ABCA13: variants seen among roughly 807,000 people sequenced by gnomAD.
ABCA13 encodes ATP-binding cassette sub-family A member 13.
Under a neutral mutation model 478.7 loss-of-function variants are expected in ABCA13, and 476 were observed. That is an observed-to-expected ratio of 0.99 (90% CI 0.92 to 1.07). The LOEUF (loss-of-function observed/expected upper bound fraction) is 1.07, where lower values mean the gene tolerates loss of function less well. ABCA13 is among the 50% of genes least tolerant of loss of function. ABCA13 has a pLI of 0.00. For synonymous variants in ABCA13, 2,252 were observed against 2,158.9 expected, an observed-to-expected ratio of 1.04 and a Z score of -1.20; for missense variants, 6,060 against 5,910.6, an observed-to-expected ratio of 1.03 and a Z score of -0.83.
chr7:48,539,525 A>C (rs9656608), intron 55 of ABCA13, among the ~76,000 whole-genome samples: 3 of 152,076 alleles, frequency 2.0e-5, no homozygotes, highest in African/African-American at 7.2e-5. Flanking sequence ...CAGTTTTCAC[A>C]ATAATCAATT....
chr7:48,557,475 T>C lies in ABCA13; in HGVS notation c.14355-22749T>C, dbSNP rs541718205. The stretch of plus-strand genomic sequence containing the variant: ...TAGATATTTTCACTGGATATACTCT[T>C]GTAGGATAAAAGTTTTTTCTATCAA... On this transcript the variant is annotated intron_variant, in intron 55 of 61. Transcript: ENST00000435803. Among the ~76,000 whole-genome samples the C allele has an allele frequency of 3.9e-5, 6 of 152,244 alleles. No individual in the cohort carries two copies. The South Asian group carries it at 6.2e-4, about 16-fold the overall frequency.
At chr7:48,431,441 T>G (rs746753212) in intron 42 of ABCA13, among the ~76,000 whole-genome samples, 1 of 152,216 alleles carries the variant, frequency 6.6e-6, no homozygotes, top group Non-Finnish European at 1.5e-5. Context: ...TGGAGAAAGT[T>G]CCATGCCTCT....
chr7:48,487,334 C>CAAAA (rs71006566), intron 47 of ABCA13, among the ~76,000 whole-genome samples: 1 of 142,174 alleles, frequency 7.0e-6, no homozygotes, highest in African/African-American at 2.7e-5. Flanking sequence ...CAAAACAAAA[C>CAAAA]AAAAAAAACA....
Position 48,379,749 on chromosome 7 carries a change from T to A in ABCA13, c.11335+3177T>A, listed in dbSNP as rs73697155. On this transcript the variant is annotated intron_variant, in intron 35 of 61. Coordinates refer to ENST00000435803, the MANE Select transcript of ABCA13 (RefSeq NM_152701.5). Reference sequence around the variant, plus strand: ...ATTATAAAGATGAAAATAACTTCAGTTGAAGTAGGAAAAACGTGGGAAGAA... The same window carrying A: ...ATTATAAAGATGAAAATAACTTCAGATGAAGTAGGAAAAACGTGGGAAGAA... Among the ~76,000 whole-genome samples, 599 of 152,286 alleles carry A rather than the reference T, an allele frequency of 3.9e-3. 2 individuals are homozygous for A. The highest frequency in any genetic ancestry group is 0.014 in the African/African-American group (567 of 41,568).
intron 23 of ABCA13, among the ~76,000 whole-genome samples, 193 bp from the exon 24 acceptor site, chr7:48,309,754 C>T (rs988148872): frequency 6.6e-6 from 1 of 152,152 alleles, no homozygotes; most frequent in Non-Finnish European, 1.5e-5. Flanking sequence ...GAATGATGTG[C>T]GCACTTCAGA....
chr7:48,509,466 A>G (rs1405720009), intron 50 of ABCA13, among the ~76,000 whole-genome samples: 2 of 152,206 alleles, frequency 1.3e-5, no homozygotes, highest in Non-Finnish European at 2.9e-5. Flanking sequence ...CTAGGACACC[A>G]TGGGGCTTTC....
intron 55 of ABCA13, among the ~76,000 whole-genome samples, chr7:48,554,735 AT>A (rs1367509254): frequency 1.3e-5 from 2 of 151,132 alleles, no homozygotes; most frequent in African/African-American, 4.8e-5. Context: ...GAGTGTTTAG[AT>A]TTTTTTCAAA....
chr7:48,276,630 T>C (rs1796342308), intron 17 of ABCA13, 65 bp downstream of exon 17: 7 of 1,344,784 alleles, frequency 5.2e-6, no homozygotes, highest in Admixed American at 1.8e-5. Context: ...CTTTATTTTC[T>C]GGAGTATAGA....
chr7:48,175,189 A>G (rs1473756518), intron 1 of ABCA13, among the ~76,000 whole-genome samples: 1 of 152,186 alleles, frequency 6.6e-6, no homozygotes, highest in African/African-American at 2.4e-5. Flanking sequence ...TTCTAACTGT[A>G]AATCAGTCTA....
chr7:48,262,292 A>G (rs542922340), intron 15 of ABCA13, among the ~76,000 whole-genome samples: 1 of 151,898 alleles, frequency 6.6e-6, no homozygotes, highest in East Asian at 1.9e-4. Flanking sequence ...AGAGGAGTGG[A>G]TGCCTGGCTG....
Position 48,279,158 on chromosome 7 carries a change from T to A in ABCA13, c.7964T>A (p.Leu2655His). Residue 2655 changes from leucine (L) to histidine (H), a missense_variant, in exon 18 of 62, where the codon CTT (leucine) becomes CAT (histidine). Physicochemically the swap from Leu to His is moderately conservative, Grantham distance 99. Around this residue, in one of 3 missense-constraint regions of ABCA13, gnomAD observed 4,423 missense variants for 4,309.1 expected, o/e 1.03. Coordinates refer to ENST00000435803, the MANE Select transcript of ABCA13 (RefSeq NM_152701.5). ...VKMNLEDMRS[L>H]AVAFNNETQT... is the part of the protein sequence containing the mutation. The stretch of plus-strand genomic sequence containing the variant: ...ATGAACTTGGAAGATATGAGGAGTC[T>A]TGCGGTAGCATTTAACAATGAGACT... 6.2e-7 allele frequency: 1 copy of A among 1,604,152 alleles called. No homozygotes were observed. The highest frequency in any genetic ancestry group is 2.2e-5 in the East Asian group (1 of 44,736).
chr7:48,247,314 A>T (rs1327433886), intron 13 of ABCA13, among the ~76,000 whole-genome samples: 1 of 152,140 alleles, frequency 6.6e-6, no homozygotes, highest in East Asian at 1.9e-4. Flanking sequence ...CCTGTTTGCA[A>T]ATACCTTTCT....
intron 23 of ABCA13, among the ~76,000 whole-genome samples, chr7:48,302,702 T>C (rs1183282626): frequency 1.3e-5 from 2 of 152,230 alleles, no homozygotes; most frequent in African/African-American, 4.8e-5. Flanking sequence ...TGCATAGTAT[T>C]CCATGGTGTA....
chr7:48,201,104 G>T (rs1257823605), intron 3 of ABCA13, among the ~76,000 whole-genome samples: 2 of 152,230 alleles, frequency 1.3e-5, no homozygotes, highest in African/African-American at 4.8e-5. Context: ...TTGTTCTTAG[G>T]GCAGATGGGA....
At chr7:48,311,825 T>C (rs1352951143) in intron 24 of ABCA13, among the ~76,000 whole-genome samples, 1 of 152,172 alleles carries the variant, frequency 6.6e-6, no homozygotes, top group African/African-American at 2.4e-5. Flanking sequence ...CCCAAGTCCA[T>C]GTACTTTCTG....
chr7:48,219,845 T>C (rs1787088494), intron 4 of ABCA13, among the ~76,000 whole-genome samples: 1 of 151,682 alleles, frequency 6.6e-6, no homozygotes, highest in South Asian at 2.1e-4. Context: ...TCTTGCTTTC[T>C]CTTATTCTGT....
At chr7:48,310,710 G>A (rs1801650301) in intron 24 of ABCA13, among the ~76,000 whole-genome samples, 1 of 152,172 alleles carries the variant, frequency 6.6e-6, no homozygotes, top group Admixed American at 6.5e-5. Context: ...CTGACAAGCA[G>A]CAGTGTGAGG....
rs114815850 is a variant in ABCA13, at chr7:48,634,895, C to A, written c.14838-8393C>A. On this transcript the variant is annotated intron_variant, in intron 59 of 61. Coordinates refer to ENST00000435803, the MANE Select transcript of ABCA13 (RefSeq NM_152701.5). Reference sequence around the variant, plus strand: ...GGATTGCTTCTGCCTCGTTGTTTTACCCACACGCAGCTGGTAAGATTCACT... The same window carrying A: ...GGATTGCTTCTGCCTCGTTGTTTTAACCACACGCAGCTGGTAAGATTCACT... 8.6e-3 allele frequency among the ~76,000 whole-genome samples: 1,313 copies of A among 152,196 alleles called. 17 individuals are homozygous for A. Among genetic ancestry groups the A allele is most frequent in the African/African-American group, 0.029 (1,222 of 41,508 alleles).
At chr7:48,631,270 C>T (rs1014397389) in intron 59 of ABCA13, among the ~76,000 whole-genome samples, 1 of 151,970 alleles carries the variant, frequency 6.6e-6, no homozygotes, top group Non-Finnish European at 1.5e-5. Flanking sequence ...AGATTTTCTT[C>T]TATGATTTTT....
Sources: gnomAD v4.1 joint callset for allele counts (sites outside exome capture counted in the v4.1 genomes callset) on GRCh38, gnomAD v4.1.1 for gene constraint, gnomAD v4.1.1 regional missense constraint, MANE v1.5 for transcripts, NCBI Gene and HGNC (gene_info 2026-07-23, HGNC 2026-07-21) for gene names.